The following ROBO2 variants were observed in gnomAD, a reference collection of about 807,000 sequenced individuals.
ROBO2 encodes roundabout guidance receptor 2.
A neutral mutation model predicts 160.8 loss-of-function variants in ROBO2; 53 were observed. That is an observed-to-expected ratio of 0.33 (90% CI 0.26 to 0.41). The LOEUF (loss-of-function observed/expected upper bound fraction) is 0.41, where lower values mean the gene tolerates loss of function less well. Ranked by LOEUF, ROBO2 falls within the 10% of genes least tolerant of loss-of-function variation. ROBO2 has a pLI of 1.00. For missense variants in ROBO2, 1,577 were observed against 1,722.4 expected (o/e 0.92, Z 1.49); for synonymous variants, 664 against 611.7 (o/e 1.09, Z -1.26).
chr3:76,669,770 A>G (rs2092192667), intron 2 of ROBO2, among the ~76,000 whole-genome samples: 1 of 152,202 alleles, frequency 6.6e-6, no homozygotes, highest in South Asian at 2.1e-4. Context: ...ATTAACCATT[A>G]CTATTGCTGC....
At chr3:76,249,196 G>A (rs1316360700) in intron 2 of ROBO2, among the ~76,000 whole-genome samples, 1 of 152,046 alleles carries the variant, frequency 6.6e-6, no homozygotes, top group Non-Finnish European at 1.5e-5. Flanking sequence ...AGCTAAATGA[G>A]TTAAAACTTA....
At chr3:76,809,042 C>T (rs2064962264) in intron 2 of ROBO2, among the ~76,000 whole-genome samples, 2 of 152,090 alleles carry the variant, frequency 1.3e-5, no homozygotes, top group South Asian at 4.1e-4. Flanking sequence ...AAATACTTTG[C>T]AATGAATTAA....
At chr3:76,140,168 A>G (rs1240443515) in intron 2 of ROBO2, among the ~76,000 whole-genome samples, 1 of 152,118 alleles carries the variant, frequency 6.6e-6, no homozygotes, top group Non-Finnish European at 1.5e-5. Flanking sequence ...ATGTCGCTCA[A>G]TTTGAAGAAC....
chr3:76,503,077 C>G (rs2080573237), intron 2 of ROBO2, among the ~76,000 whole-genome samples: 1 of 151,808 alleles, frequency 6.6e-6, no homozygotes, highest in African/African-American at 2.4e-5. Context: ...CTTACATGAT[C>G]ACAAAGTCCC....
chr3:76,506,865 T>C (rs1367104965), intron 2 of ROBO2, among the ~76,000 whole-genome samples: 1 of 152,196 alleles, frequency 6.6e-6, no homozygotes, highest in Non-Finnish European at 1.5e-5. Flanking sequence ...CTGAATGTGT[T>C]TGTTCCTTAA....
chr3:77,156,663 A>G (rs1235082039), intron 2 of ROBO2, among the ~76,000 whole-genome samples: 3 of 151,660 alleles, frequency 2.0e-5, no homozygotes, highest in Non-Finnish European at 2.9e-5. Context: ...TTAGTAAAAT[A>G]GTAAATAAAA....
At position 77,522,750 on chromosome 3, in the gene ROBO2, T is replaced by C. The variant is rs900420138; in HGVS notation, c.807-25T>C. 3.1e-6 allele frequency: 5 copies of C among 1,604,158 alleles called. No individual in the cohort carries two copies. The Admixed American group carries it at 5.0e-5, about 16-fold the overall frequency. ...TATCCGTATAGCTACTACTATTTAA[T>C]AAAACCAGTTCATTTTCTACACAGG... is the stretch of plus-strand genomic sequence containing the variant. On this transcript the variant is annotated intron_variant, in intron 5 of 25. Transcript: ENST00000461745.
chr3:76,475,596 G>A (rs183939512), intron 2 of ROBO2, among the ~76,000 whole-genome samples: 1 of 151,566 alleles, frequency 6.6e-6, no homozygotes, highest in African/African-American at 2.4e-5. Flanking sequence ...GGTGGGGGAG[G>A]GGGAAATGAA....
chr3:77,197,608 G>T (rs1443304130), intron 2 of ROBO2, among the ~76,000 whole-genome samples: 2 of 152,202 alleles, frequency 1.3e-5, no homozygotes, highest in African/African-American at 4.8e-5. Flanking sequence ...CCATCAGAAA[G>T]GGGGTGAGAC....
At chr3:76,131,970 A>G (rs1213755662) in intron 2 of ROBO2, among the ~76,000 whole-genome samples, 1 of 152,158 alleles carries the variant, frequency 6.6e-6, no homozygotes, top group African/African-American at 2.4e-5. Context: ...AGCTAAAAAT[A>G]ATGAAATAAT....
chr3:77,083,651 A>G (rs1002755848), intron 1 of ROBO2, among the ~76,000 whole-genome samples: 1 of 152,180 alleles, frequency 6.6e-6, no homozygotes, highest in Non-Finnish European at 1.5e-5. Context: ...TTCCAGACAC[A>G]AACCTGGAGA....
chr3:77,052,577 A>G (rs1263920708), intron 1 of ROBO2, among the ~76,000 whole-genome samples: 1 of 152,194 alleles, frequency 6.6e-6, no homozygotes, highest in Admixed American at 6.5e-5. Context: ...TTGACAAAGA[A>G]ATTGCTAAAA....
intron 2 of ROBO2, among the ~76,000 whole-genome samples, chr3:76,940,337 G>T (rs6795851): frequency 0.49 from 74,604 of 151,920 alleles, 19,369 homozygotes; most frequent in African/African-American, 0.67. Flanking sequence ...TTAAGTGTTT[G>T]TGATTTAGCA....
Position 76,499,379 on chromosome 3 carries a change from T to C in ROBO2, c.109+561777T>C, listed in dbSNP as rs1024646772. The stretch of plus-strand genomic sequence containing the variant: ...ATGATATCTTGTATAGGAGTCCCTT[T>C]GTTGACACTCCTCAGCCCTAAGCTT... On this transcript the variant is annotated intron_variant, in intron 2 of 26. Coordinates refer to the ROBO2 transcript ENST00000487694. 5.3e-5 allele frequency among the ~76,000 whole-genome samples: 8 copies of C among 152,326 alleles called. No homozygotes were observed. In the South Asian group the frequency reaches 1.7e-3, roughly 32 times the overall value.
chr3:76,386,300 CCCTT>C (rs1482393167), intron 2 of ROBO2, among the ~76,000 whole-genome samples: 1 of 151,110 alleles, frequency 6.6e-6, no homozygotes, highest in Admixed American at 6.6e-5. Context: ...ATTACTCCTT[CCCTT>C]CCTTCCTTCT....
chr3:77,398,541 A>G (rs1318134535), intron 2 of ROBO2, among the ~76,000 whole-genome samples: 1 of 152,020 alleles, frequency 6.6e-6, no homozygotes, highest in Admixed American at 6.6e-5. Context: ...GCTCAGGTTT[A>G]CTGATAACCT....
intron 12 of ROBO2, among the ~76,000 whole-genome samples, chr3:77,566,153 T>G (rs945552755): frequency 6.6e-6 from 1 of 152,062 alleles, no homozygotes; most frequent in African/African-American, 2.4e-5. Context: ...GTAACTAGCA[T>G]GCTATTATAA....
At chr3:77,559,985 C>T (rs561950975) in intron 9 of ROBO2, among the ~76,000 whole-genome samples, 155 of 152,102 alleles carry the variant, frequency 1.0e-3, no homozygotes, top group South Asian at 7.3e-3. Flanking sequence ...AAATTAATGC[C>T]AACTCTCTTT....
intron 2 of ROBO2, among the ~76,000 whole-genome samples, chr3:76,961,463 A>G (rs373063125): frequency 1.3e-5 from 2 of 152,254 alleles, no homozygotes; most frequent in East Asian, 3.9e-4. Flanking sequence ...TAAGCTTACA[A>G]ATTAACAAAG....
Sources: allele counts gnomAD v4.1 joint callset (sites outside exome capture counted in the v4.1 genomes callset), GRCh38; gene constraint gnomAD v4.1.1; transcripts MANE v1.5; gene names NCBI Gene and HGNC (gene_info 2026-07-23, HGNC 2026-07-21).